SLC4A10: variants seen among roughly 807,000 people sequenced by gnomAD.
SLC4A10 encodes the protein solute carrier family 4 member 10, also known as sodium-driven chloride bicarbonate exchanger.
SLC4A10 carries 42 observed loss-of-function variants against 137.7 expected under a neutral mutation model. The ratio of observed to expected loss-of-function variants is 0.30; its 90% CI spans 0.24 to 0.39. SLC4A10 has a LOEUF of 0.39. Among genes scored for constraint, SLC4A10 ranks in the 10% least tolerant of loss-of-function variants. SLC4A10 has a pLI of 1.00. For missense variants in SLC4A10, 925 were observed against 1,355.0 expected, an observed-to-expected ratio of 0.68 and a Z score of 4.98; for synonymous variants, 474 against 464.1, an observed-to-expected ratio of 1.02 and a Z score of -0.27.
chr2:161,722,081 C>T (rs2045744611), intron 1 of SLC4A10, among the ~76,000 whole-genome samples: 1 of 152,108 alleles, frequency 6.6e-6, no homozygotes, highest in Non-Finnish European at 1.5e-5. Context: ...GTTAACAGCT[C>T]CTGTTTTATC....
chr2:161,956,269 G>T (rs765283785), intron 19 of SLC4A10, among the ~76,000 whole-genome samples: 4 of 152,146 alleles, frequency 2.6e-5, no homozygotes, highest in Non-Finnish European at 4.4e-5. Flanking sequence ...TAGGGAAAAA[G>T]AGGCACAAGA....
chr2:161,900,303 C>A (rs1400301964), intron 11 of SLC4A10, among the ~76,000 whole-genome samples: 1 of 152,022 alleles, frequency 6.6e-6, no homozygotes, highest in Non-Finnish European at 1.5e-5. Context: ...GTTAGAAAGA[C>A]CTATATTGTA....
rs372212339 is a variant in SLC4A10 at position 161,665,098 on chromosome 2, A to G, written c.48+40532A>G. ...GCAGGAGTGTAACTGAAGCCATCCAATGAAGGATGGGTTCAATCCAAAAAT... is the reference window on the plus strand; with the variant it reads ...GCAGGAGTGTAACTGAAGCCATCCAGTGAAGGATGGGTTCAATCCAAAAAT... On this transcript the variant is annotated intron_variant, in intron 1 of 26. Transcript: ENST00000446997. Among the ~76,000 whole-genome samples the G allele has an allele frequency of 1.3e-4, 20 of 151,936 alleles. No individual in the cohort carries two copies. The East Asian group carries it at 3.1e-3, about 23-fold the overall frequency.
At chr2:161,764,128 G>C (rs2050551684) in intron 1 of SLC4A10, among the ~76,000 whole-genome samples, 1 of 152,110 alleles carries the variant, frequency 6.6e-6, no homozygotes, top group Non-Finnish European at 1.5e-5. Flanking sequence ...TAGGAGACTG[G>C]TTGACTGAAT....
chr2:161,959,936 T>C (rs1696337002), intron 21 of SLC4A10, among the ~76,000 whole-genome samples: 1 of 152,238 alleles, frequency 6.6e-6, no homozygotes, highest in Non-Finnish European at 1.5e-5. Context: ...TGAAAATTTA[T>C]GTCCACCTGG....
chr2:161,660,576 C>CTTTA (rs1363518065), intron 1 of SLC4A10, among the ~76,000 whole-genome samples: 33 of 127,056 alleles, frequency 2.6e-4, no homozygotes, highest in Non-Finnish European at 5.2e-4. Flanking sequence ...TTCTTTCTTT[C>CTTTA]TTTCTTTCTT....
chr2:161,657,445 A>G (rs1413025697), intron 1 of SLC4A10, among the ~76,000 whole-genome samples: 1 of 152,048 alleles, frequency 6.6e-6, no homozygotes, highest in Non-Finnish European at 1.5e-5. Flanking sequence ...GATTTAAGCT[A>G]TTAGTTGAGT....
intron 6 of SLC4A10, among the ~76,000 whole-genome samples, chr2:161,868,579 A>C (rs927345735): frequency 3.3e-5 from 5 of 151,748 alleles, no homozygotes; most frequent in African/African-American, 1.2e-4. Context: ...TTGTAACTCA[A>C]AGAAAAGTAA....
At position 161,771,433 on chromosome 2, in the gene SLC4A10, C is replaced by A. The variant is rs148846896; in HGVS notation, c.130+379C>A. The stretch of plus-strand genomic sequence containing the variant: ...GGAGGGGGAGGGGCATCTAACTCAG[C>A]CTATGTTGTCAGAGGTATAGTCACC... On this transcript the variant is annotated intron_variant, in intron 2 of 26. Coordinates refer to ENST00000446997, the MANE Select transcript of SLC4A10 (RefSeq NM_001178015.2). Among the ~76,000 whole-genome samples, 550 of 151,858 alleles carry A rather than the reference C, an allele frequency of 3.6e-3. 3 individuals are homozygous for A. Among genetic ancestry groups the A allele is most frequent in the African/African-American group, 0.012 (480 of 41,490 alleles).
chr2:161,629,843 T>C (rs895023618), intron 1 of SLC4A10, among the ~76,000 whole-genome samples: 1 of 151,898 alleles, frequency 6.6e-6, no homozygotes, highest in African/African-American at 2.4e-5. Flanking sequence ...GTAATAGGCA[T>C]TTAAATGTAT....
intron 2 of SLC4A10, among the ~76,000 whole-genome samples, chr2:161,795,053 T>C (rs572289035): frequency 1.3e-5 from 2 of 152,264 alleles, no homozygotes; most frequent in Admixed American, 1.3e-4. Flanking sequence ...AGGTAAAATT[T>C]TTTTTTACTT....
At chr2:161,713,916 G>A (rs1472023215) in intron 1 of SLC4A10, among the ~76,000 whole-genome samples, 2 of 151,834 alleles carry the variant, frequency 1.3e-5, no homozygotes, top group Admixed American at 6.6e-5. Context: ...GTGACAGCTG[G>A]GATGTGACTT....
Position 161,983,872 on chromosome 2 carries a change from T to C in SLC4A10, c.*720T>C, listed in dbSNP as rs1216960944. 6.6e-6 allele frequency: 1 copy of C among 152,232 alleles called. No individual in the cohort carries two copies. The highest frequency in any genetic ancestry group is 1.5e-5 in the Non-Finnish European group (1 of 68,042). The allele number at this position is 152,232 out of a possible 1,614,324, so 9.4% of individuals were successfully genotyped here. A position where few individuals can be genotyped will look rare whatever the true frequency, so the allele number is the denominator to read the frequency against. Reference sequence around the variant, plus strand: ...TAATGCAGAGTTAAGTAGTATTTGCTTAAAATTCAAGTTGTGACTAATGAT... The same window carrying C: ...TAATGCAGAGTTAAGTAGTATTTGCCTAAAATTCAAGTTGTGACTAATGAT... On this transcript the variant is annotated 3_prime_UTR_variant, in exon 27 of 27. Transcript: ENST00000446997.
chr2:161,775,695 A>C (rs1018956184), intron 2 of SLC4A10, among the ~76,000 whole-genome samples: 3 of 151,654 alleles, frequency 2.0e-5, no homozygotes, highest in African/African-American at 7.3e-5. Flanking sequence ...CCCTTCAGTT[A>C]CTCTTATTCA....
intron 16 of SLC4A10, among the ~76,000 whole-genome samples, chr2:161,943,751 A>G (rs1693180301): frequency 6.6e-6 from 1 of 152,050 alleles, no homozygotes. Context: ...CTCAAGTTTT[A>G]TTATGACTAT....
intron 2 of SLC4A10, among the ~76,000 whole-genome samples, chr2:161,788,224 C>T (rs2053837504): frequency 6.6e-6 from 1 of 151,574 alleles, no homozygotes; most frequent in Admixed American, 6.6e-5. Flanking sequence ...TCAAATGCTG[C>T]TTGTTGTAGA....
At chr2:161,915,240 C>A (rs1686867221) in intron 15 of SLC4A10, among the ~76,000 whole-genome samples, 1 of 152,138 alleles carries the variant, frequency 6.6e-6, no homozygotes, top group African/African-American at 2.4e-5. Context: ...GGGAGAGCAA[C>A]CTGCCCTTCC....
intron 1 of SLC4A10, among the ~76,000 whole-genome samples, chr2:161,725,818 G>A (rs1158895634): frequency 1.3e-5 from 2 of 152,144 alleles, no homozygotes; most frequent in African/African-American, 4.8e-5. Flanking sequence ...TATTCACCCT[G>A]ATCCTTTTTG....
intron 4 of SLC4A10, among the ~76,000 whole-genome samples, chr2:161,841,786 G>A (rs1188159109): frequency 6.6e-6 from 1 of 152,136 alleles, no homozygotes; most frequent in African/African-American, 2.4e-5. Context: ...GTATAGGATG[G>A]CAGAAAAGTA....
Sources: gnomAD v4.1 joint callset for allele counts (sites outside exome capture counted in the v4.1 genomes callset) on GRCh38, gnomAD v4.1.1 for gene constraint, MANE v1.5 for transcripts, NCBI Gene and HGNC (gene_info 2026-07-23, HGNC 2026-07-21) for gene names.